Variants in BCAP29 observed in about 807,000 individuals in gnomAD.
BCAP29 encodes B-cell receptor-associated protein 29.
In BCAP29, 34 loss-of-function variants were observed where a neutral mutation model predicts 31.8. The ratio of observed to expected loss-of-function variants is 1.07; its 90% CI spans 0.81 to 1.42. The LOEUF is 1.42. Ranked by LOEUF, BCAP29 falls within the 40% of genes most tolerant of loss-of-function variation. The probability of loss-of-function intolerance (pLI) is 0.00; values close to 1 mark genes in which losing one functional copy is unlikely to be tolerated. For missense variants in BCAP29, 314 were observed against 269.2 expected (o/e 1.17, Z -1.16); for synonymous variants, 104 against 91.3 (o/e 1.14, Z -0.79).
intron 6 of BCAP29, among the ~76,000 whole-genome samples, chr7:107,609,489 G>C (rs561571958): frequency 6.6e-6 from 1 of 152,210 alleles, no homozygotes; most frequent in Admixed American, 6.5e-5. Flanking sequence ...GGATTGGAGA[G>C]CTATAAAGGA....
chr7:107,605,986 C>T (rs986255377), intron 6 of BCAP29, among the ~76,000 whole-genome samples: 1 of 152,090 alleles, frequency 6.6e-6, no homozygotes, highest in Admixed American at 6.5e-5. Flanking sequence ...CAATGAATTT[C>T]TTTTGCTTAA....
chr7:107,621,224 T>C (rs1328948022), downstream of BCAP29: 1 of 160,944 alleles, frequency 6.2e-6, no homozygotes, highest in African/African-American at 2.4e-5. Context: ...ACCGTGCTTT[T>C]AAGCATTGAC....
chr7:107,621,860 G>A, downstream of BCAP29: 1 of 533,568 alleles, frequency 1.9e-6, no homozygotes, highest in East Asian at 5.4e-5. Context: ...TAAATTTATT[G>A]TTTCAAGCTA....
Position 107,620,356 on chromosome 7 carries a change from C to T in BCAP29, c.*1993C>T, listed in dbSNP as rs1301323581. The T allele has an allele frequency of 6.6e-6, 1 of 152,156 alleles. No individual in the cohort carries two copies. Among genetic ancestry groups the T allele is most frequent in the African/African-American group, 2.4e-5 (1 of 41,424 alleles). The allele number at this position is 152,156 out of a possible 1,614,324, so 9.4% of individuals were successfully genotyped here. Reference sequence around the variant, plus strand: ...CCGGCTGTGGCTCCAGAGTCTGTGCCCTTTACCACCGTGCCCAACTGTTTC... The same window carrying T: ...CCGGCTGTGGCTCCAGAGTCTGTGCTCTTTACCACCGTGCCCAACTGTTTC... On this transcript the variant is annotated 3_prime_UTR_variant, in exon 8 of 8. Coordinates refer to ENST00000005259, the MANE Select transcript of BCAP29 (RefSeq NM_018844.4).
Position 107,581,458 on chromosome 7 carries a change from A to G in BCAP29, c.92+594A>G, listed in dbSNP as rs142072973. Among the ~76,000 whole-genome samples, 4 of 152,358 alleles carry G rather than the reference A, an allele frequency of 2.6e-5. No individual in the cohort carries two copies. The East Asian group carries it at 7.7e-4, about 29-fold the overall frequency. On this transcript the variant is annotated intron_variant, in intron 2 of 7. Transcript: ENST00000005259. ...TTAGCATTAGTTCGTTAGTGACGGA[A>G]CTTCTAAGGTCTTGAAGAACCAAGT...
Position 107,585,304 on chromosome 7 carries a change from A to C in BCAP29, c.193+1322A>C, listed in dbSNP as rs75803938. Reference sequence around the variant, plus strand: ...GAATCCTCTTTATAAAACTAAGAACATCTGGTATGAGAAGGGATGGTATTG... The same window carrying C: ...GAATCCTCTTTATAAAACTAAGAACCTCTGGTATGAGAAGGGATGGTATTG... On this transcript the variant is annotated intron_variant, in intron 3 of 7. Coordinates refer to ENST00000005259, the MANE Select transcript of BCAP29 (RefSeq NM_018844.4). Among the ~76,000 whole-genome samples the C allele has an allele frequency of 4.1e-3, 631 of 152,354 alleles. 12 individuals are homozygous for C. The East Asian group carries it at 0.065, about 16-fold the overall frequency.
At chr7:107,596,858 GA>G (rs1442965037) in intron 5 of BCAP29, among the ~76,000 whole-genome samples, 1 of 152,106 alleles carries the variant, frequency 6.6e-6, no homozygotes, top group Non-Finnish European at 1.5e-5. Flanking sequence ...ATTGTTTTCA[GA>G]ACCATTTACC....
chr7:107,580,130 A>T (rs1041912173), upstream of BCAP29: 4 of 152,080 alleles, frequency 2.6e-5, no homozygotes, highest in East Asian at 7.7e-4. Context: ...GTTGCCAATA[A>T]ACGTGGTCGC....
chr7:107,580,478 G>A (rs1367332328), intron 1 of BCAP29, 177 bp downstream of exon 1: 1 of 326,594 alleles, frequency 3.1e-6, no homozygotes, highest in East Asian at 7.8e-5. Flanking sequence ...GGGAAGCCGG[G>A]CGTTGGTGGA....
intron 2 of BCAP29, among the ~76,000 whole-genome samples, chr7:107,581,072 A>G (rs918243241): frequency 3.9e-5 from 6 of 152,194 alleles, no homozygotes; most frequent in Admixed American, 6.5e-5. Flanking sequence ...CTTCCCTTCT[A>G]AAAGAAAAGG....
At chr7:107,589,723 C>T (rs1808369037) in intron 3 of BCAP29, among the ~76,000 whole-genome samples, 1 of 152,176 alleles carries the variant, frequency 6.6e-6, no homozygotes, top group South Asian at 2.1e-4. Context: ...CTCTCTTCAC[C>T]AAGATACACT....
chr7:107,584,258 G>T (rs957417293), intron 3 of BCAP29, among the ~76,000 whole-genome samples: 1 of 152,188 alleles, frequency 6.6e-6, no homozygotes, highest in African/African-American at 2.4e-5. Context: ...GCTGTTCAGA[G>T]TTACCAGACT....
chr7:107,591,156 C>T (rs1371297414), intron 3 of BCAP29, among the ~76,000 whole-genome samples: 17 of 152,120 alleles, frequency 1.1e-4, no homozygotes, highest in Non-Finnish European at 2.4e-4. Context: ...AGTTGGAATA[C>T]TCAATATTAT....
downstream of BCAP29, chr7:107,622,360 A>G (rs1815050841): frequency 6.5e-6 from 1 of 153,856 alleles, no homozygotes; most frequent in African/African-American, 2.4e-5. Flanking sequence ...GCTCCCATCT[A>G]CTTTTCAGCC....
chr7:107,584,071 A>C (rs1807182695), intron 3 of BCAP29, 89 bp downstream of exon 3: 1 of 705,728 alleles, frequency 1.4e-6, no homozygotes, highest in Admixed American at 3.3e-5. Flanking sequence ...CAATTGGTGT[A>C]CAGTTGACTT....
chr7:107,617,591 A>G (rs1814419095), intron 7 of BCAP29, among the ~76,000 whole-genome samples: 1 of 152,224 alleles, frequency 6.6e-6, no homozygotes, highest in Admixed American at 6.5e-5. Flanking sequence ...TGTCCATAAT[A>G]GCTTCATTAA....
intron 6 of BCAP29, among the ~76,000 whole-genome samples, chr7:107,601,150 T>C (rs987128029): frequency 6.6e-6 from 1 of 152,218 alleles, no homozygotes; most frequent in Non-Finnish European, 1.5e-5. Flanking sequence ...TTATTTTTGT[T>C]GCATCTGCAC....
chr7:107,583,837 T>C, intron 2 of BCAP29, 45 bp from the exon 3 acceptor site: 1 of 995,008 alleles, frequency 1.0e-6, no homozygotes, highest in Admixed American at 2.7e-5. Context: ...TTTCAAAACT[T>C]TATTTTAGTT....
At chr7:107,588,497 C>G (rs1289368313) in intron 3 of BCAP29, among the ~76,000 whole-genome samples, 1 of 152,110 alleles carries the variant, frequency 6.6e-6, no homozygotes, top group South Asian at 2.1e-4. Flanking sequence ...GACTATTTCT[C>G]CTGTGTTAAA....
Sources: gnomAD v4.1 joint callset for allele counts (sites outside exome capture counted in the v4.1 genomes callset) on GRCh38, gnomAD v4.1.1 for gene constraint, MANE v1.5 for transcripts, NCBI Gene and HGNC (gene_info 2026-07-23, HGNC 2026-07-21) for gene names.